Variants in CCDC171 observed in about 807,000 individuals in gnomAD.
The protein encoded by CCDC171 is coiled-coil domain-containing protein 171.
A neutral mutation model predicts 168.2 loss-of-function variants in CCDC171; 177 were observed. That is an observed-to-expected ratio of 1.05 (90% CI 0.93 to 1.19). CCDC171 has a LOEUF of 1.19. CCDC171 is among the 50% of genes most tolerant of loss of function. CCDC171 has a pLI of 0.00. For missense variants in CCDC171, 1,991 were observed against 1,539.0 expected, an observed-to-expected ratio of 1.29 and a Z score of -4.91; for synonymous variants, 687 against 540.8, an observed-to-expected ratio of 1.27 and a Z score of -3.75.
chr9:16,024,998 A>G (rs1586840969), intron 6 of CCDC171, among the ~76,000 whole-genome samples: 1 of 152,196 alleles, frequency 6.6e-6, no homozygotes, highest in African/African-American at 2.4e-5. Context: ...GTCCTTTCAT[A>G]CCTTGCTGGT....
chr9:15,702,416 A>G (rs979264004), intron 11 of CCDC171, among the ~76,000 whole-genome samples: 6 of 152,060 alleles, frequency 3.9e-5, no homozygotes, highest in Non-Finnish European at 7.4e-5. Context: ...GAATTATTCT[A>G]TATCTACTCT....
chr9:15,850,252 T>C (rs573497296), intron 23 of CCDC171: 1 of 152,100 alleles, frequency 6.6e-6, no homozygotes, highest in Admixed American at 6.6e-5. Flanking sequence ...AAGAGTTAGA[T>C]AGCAGCTAAC....
At chr9:15,979,259 C>G (rs898953007) in intron 3 of CCDC171, among the ~76,000 whole-genome samples, 2 of 152,126 alleles carry the variant, frequency 1.3e-5, no homozygotes, top group Non-Finnish European at 2.9e-5. Flanking sequence ...TACTTCTTTT[C>G]TAATCTAAAT....
intron 25 of CCDC171, among the ~76,000 whole-genome samples, chr9:15,929,863 A>G (rs1289208720): frequency 2.6e-5 from 4 of 151,744 alleles, no homozygotes; most frequent in African/African-American, 7.2e-5. Flanking sequence ...CAGTTTCCCC[A>G]TAATAAAGTA....
intron 22 of CCDC171, 32 bp from the exon 23 acceptor site, chr9:15,848,861 T>G: frequency 7.3e-7 from 1 of 1,362,440 alleles, no homozygotes; most frequent in South Asian, 1.3e-5. Flanking sequence ...AGGTTTGAGT[T>G]TTACTAACAC....
chr9:15,816,571 G>C (rs1277704322), intron 21 of CCDC171, among the ~76,000 whole-genome samples: 1 of 111,528 alleles, frequency 9.0e-6, no homozygotes, highest in Admixed American at 8.1e-5. Context: ...GGCAAGTTAG[G>C]AGGCTAACAG....
intron 4 of CCDC171, chr9:16,020,930 C>T (rs1833143896): frequency 6.6e-6 from 1 of 152,232 alleles, no homozygotes; most frequent in African/African-American, 2.4e-5. Flanking sequence ...GAAATAATTA[C>T]TGAACAAATG....
chr9:15,902,538 A>G (rs1352203168), intron 24 of CCDC171, among the ~76,000 whole-genome samples: 1 of 152,130 alleles, frequency 6.6e-6, no homozygotes, highest in Non-Finnish European at 1.5e-5. Flanking sequence ...ATTGCTATAA[A>G]GAAATAACTG....
At chr9:15,708,355 G>A (rs182926276) in intron 11 of CCDC171, among the ~76,000 whole-genome samples, 412 of 152,242 alleles carry the variant, frequency 2.7e-3, no homozygotes, top group African/African-American at 9.1e-3. Context: ...TATATAATAC[G>A]TAGTCAATAG....
Position 15,777,586 on chromosome 9 carries a change from C to A in CCDC171, c.2672-14C>A, listed in dbSNP as rs756879249. 2 of 1,563,612 alleles carry A rather than the reference C, an allele frequency of 1.3e-6. No homozygotes were observed. Among genetic ancestry groups the A allele is most frequent in the Middle Eastern group, 3.4e-4 (2 of 5,834 alleles). On this transcript the variant is annotated splice_polypyrimidine_tract_variant and intron_variant, in intron 18 of 25. Transcript: ENST00000380701. ...AATTCACATTTTTGTGCCTTTTTTT[C>A]TTTTTCTTTGAAGATCCAAATTCCA...
chr9:15,906,829 T>G (rs202142130), intron 24 of CCDC171, among the ~76,000 whole-genome samples: 1 of 152,080 alleles, frequency 6.6e-6, no homozygotes, highest in Non-Finnish European at 1.5e-5. Context: ...GCAAAGTCTC[T>G]GGATACAAAA....
the CCDC171 span, among the ~76,000 whole-genome samples, chr9:16,089,541 T>C: frequency 0.028 from 4,293 of 151,812 alleles, 180 homozygotes; most frequent in African/African-American, 0.096. Flanking sequence ...ATCTATCTTG[T>C]GTTAATTTTT....
intron 21 of CCDC171, among the ~76,000 whole-genome samples, chr9:15,795,530 A>G (rs915925481): frequency 3.3e-5 from 5 of 152,148 alleles, no homozygotes; most frequent in African/African-American, 1.2e-4. Context: ...CAAAACACCA[A>G]ATGATGAGGA....
rs1469146526 is a variant in CCDC171 at position 15,973,974 on chromosome 9, T to C, written c.*2138T>C. The C allele has an allele frequency of 2.0e-5, 3 of 152,192 alleles. No homozygotes were observed. The highest frequency in any genetic ancestry group is 4.4e-5 in the Non-Finnish European group (3 of 68,032). The allele number at this position is 152,192 out of a possible 1,614,324, so 9.4% of individuals were successfully genotyped here. Reference sequence around the variant, plus strand: ...GTGCCTTGGAAAGGCCTTGGTCTTCTTGCCTTGATTTTATAATCTGTTAAT... The same window carrying C: ...GTGCCTTGGAAAGGCCTTGGTCTTCCTGCCTTGATTTTATAATCTGTTAAT... On this transcript the variant is annotated 3_prime_UTR_variant, in exon 26 of 26. Transcript: ENST00000380701.
chr9:16,017,697 G>T (rs1179857304), intron 3 of CCDC171, among the ~76,000 whole-genome samples: 3 of 152,160 alleles, frequency 2.0e-5, no homozygotes, highest in African/African-American at 4.8e-5. Flanking sequence ...TAGTTTATGA[G>T]ACAATTTTAA....
intron 6 of CCDC171, 50 bp downstream of exon 6, chr9:15,594,222 AT>A (rs1444436712): frequency 2.0e-6 from 2 of 1,019,544 alleles, no homozygotes; most frequent in African/African-American, 3.4e-5. Flanking sequence ...AATGCTTATG[AT>A]ATTCAAAATT....
At chr9:15,826,505 C>G (rs1476828603) in intron 21 of CCDC171, among the ~76,000 whole-genome samples, 2 of 152,142 alleles carry the variant, frequency 1.3e-5, no homozygotes, top group Non-Finnish European at 2.9e-5. Context: ...GCTTTTGAGA[C>G]TATGTCATAA....
intron 3 of CCDC171, among the ~76,000 whole-genome samples, chr9:15,985,389 T>C (rs1237702701): frequency 6.6e-6 from 1 of 152,216 alleles, no homozygotes; most frequent in Non-Finnish European, 1.5e-5. Flanking sequence ...TATACTTTAA[T>C]CTGTAAGTCA....
intron 20 of CCDC171, among the ~76,000 whole-genome samples, chr9:15,783,681 T>C (rs1023042237): frequency 2.2e-4 from 34 of 152,182 alleles, no homozygotes; most frequent in Admixed American, 1.9e-3. Context: ...CAGGAGATAA[T>C]ACAAGCTTGT....
Sources: allele counts gnomAD v4.1 joint callset (sites outside exome capture counted in the v4.1 genomes callset), GRCh38; gene constraint gnomAD v4.1.1; transcripts MANE v1.5; gene names NCBI Gene and HGNC (gene_info 2026-07-23, HGNC 2026-07-21).